Variants in ELOVL5 observed in about 807,000 individuals in gnomAD.
ELOVL5 encodes the protein ELOVL fatty acid elongase 5, also known as very long chain fatty acid elongase 5.
A neutral mutation model predicts 38.6 loss-of-function variants in ELOVL5; 8 were observed. That is an observed-to-expected ratio of 0.21 (90% CI 0.12 to 0.37). ELOVL5 has a LOEUF of 0.37. ELOVL5 is among the 10% of genes least tolerant of loss of function. ELOVL5 has a pLI of 1.00. For missense variants in ELOVL5, 280 were observed against 367.8 expected (o/e 0.76, Z 1.95); for synonymous variants, 127 against 133.7 (o/e 0.95, Z 0.34).
At chr6:53,343,235 CAG>C (rs979434765) in intron 1 of ELOVL5, among the ~76,000 whole-genome samples, 3 of 146,892 alleles carry the variant, frequency 2.0e-5, no homozygotes, top group Admixed American at 1.3e-4. Context: ...TATTTTGGGA[CAG>C]AGTCTGGCTC....
chr6:53,316,999 A>G (rs1306444260), intron 1 of ELOVL5, among the ~76,000 whole-genome samples: 1 of 152,194 alleles, frequency 6.6e-6, no homozygotes, highest in Non-Finnish European at 1.5e-5. Context: ...ACAGGGAAAA[A>G]TAAGAAAGAT....
At chr6:53,314,837 T>C (rs1233639047) in intron 1 of ELOVL5, among the ~76,000 whole-genome samples, 2 of 152,216 alleles carry the variant, frequency 1.3e-5, no homozygotes, top group African/African-American at 2.4e-5. Context: ...TAGTACATAA[T>C]ATCCTACTTT....
chr6:53,315,765 T>C (rs1768008645), intron 1 of ELOVL5, among the ~76,000 whole-genome samples: 1 of 152,126 alleles, frequency 6.6e-6, no homozygotes, highest in Non-Finnish European at 1.5e-5. Context: ...ATCCCAGTAG[T>C]CCCCAAGTTA....
At chr6:53,326,802 G>C (rs115703003) in intron 1 of ELOVL5, among the ~76,000 whole-genome samples, 3 of 152,218 alleles carry the variant, frequency 2.0e-5, no homozygotes, top group African/African-American at 4.8e-5. Context: ...CAGCCATACC[G>C]GCCTTCACGA....
At chr6:53,328,956 A>G (rs769639044) in intron 1 of ELOVL5, among the ~76,000 whole-genome samples, 3 of 152,224 alleles carry the variant, frequency 2.0e-5, no homozygotes, top group Admixed American at 6.5e-5. Context: ...CCTGTCTACA[A>G]AAAGTACCTT....
chr6:53,305,373 G>A (rs1767466879), intron 1 of ELOVL5, among the ~76,000 whole-genome samples: 1 of 104,694 alleles, frequency 9.6e-6, no homozygotes, highest in Non-Finnish European at 1.8e-5. Flanking sequence ...TGGCCTGGCG[G>A]GGGCTGACCC....
chr6:53,269,302 T>A lies in ELOVL5; in HGVS notation c.757-32A>T, dbSNP rs778806143. On this transcript the variant is annotated intron_variant, in intron 7 of 7. Coordinates refer to ENST00000304434, the MANE Select transcript of ELOVL5 (RefSeq NM_021814.5). ...TGTGTAAGGGCAGATGAGAACCAAA[T>A]GACCACAGTTTTCTTTATAGGGAAC... 1.5e-5 allele frequency: 21 copies of A among 1,425,848 alleles called. No individual in the cohort carries two copies. In the African/African-American group the frequency reaches 5.3e-4, roughly 36 times the overall value. The allele number at this position is 1,425,848 out of a possible 1,614,324, so 88.3% of individuals were successfully genotyped here. A position where few individuals can be genotyped will look rare whatever the true frequency, so the allele number is the denominator to read the frequency against.
intron 1 of ELOVL5, among the ~76,000 whole-genome samples, chr6:53,328,275 G>A (rs1445174098): frequency 6.6e-6 from 1 of 152,050 alleles, no homozygotes; most frequent in Non-Finnish European, 1.5e-5. Context: ...ACTAGTAGTA[G>A]TTAGTGACTA....
intron 4 of ELOVL5, among the ~76,000 whole-genome samples, chr6:53,275,935 T>C (rs530795337): frequency 4.1e-4 from 63 of 152,360 alleles, no homozygotes; most frequent in African/African-American, 1.4e-3. Flanking sequence ...ACTGACTGCA[T>C]GTGATTTTTC....
intron 2 of ELOVL5, among the ~76,000 whole-genome samples, 156 bp from the exon 3 acceptor site, chr6:53,292,119 C>T (rs375362461): frequency 2.3e-4 from 35 of 152,206 alleles, no homozygotes; most frequent in African/African-American, 7.9e-4. Flanking sequence ...ATTTTCAATA[C>T]ATATCAAACA....
chr6:53,298,577 A>G (rs1258439847), intron 1 of ELOVL5, among the ~76,000 whole-genome samples: 1 of 152,180 alleles, frequency 6.6e-6, no homozygotes, highest in African/African-American at 2.4e-5. Flanking sequence ...AAGATTAAAT[A>G]AGGTAATATA....
chr6:53,328,270 T>C (rs959815013), intron 1 of ELOVL5, among the ~76,000 whole-genome samples: 2 of 152,142 alleles, frequency 1.3e-5, no homozygotes, highest in Admixed American at 6.5e-5. Context: ...CAAAAACTAG[T>C]AGTAGTTAGT....
chr6:53,312,228 T>C (rs1283345205), intron 1 of ELOVL5, among the ~76,000 whole-genome samples: 1 of 152,220 alleles, frequency 6.6e-6, no homozygotes, highest in Non-Finnish European at 1.5e-5. Context: ...AAACTTTATG[T>C]TCATATAAAA....
At chr6:53,328,422 G>T (rs1338745521) in intron 1 of ELOVL5, among the ~76,000 whole-genome samples, 2 of 152,186 alleles carry the variant, frequency 1.3e-5, no homozygotes, top group Non-Finnish European at 2.9e-5. Flanking sequence ...ATTCCTTAGA[G>T]TAAAATCAAG....
At chr6:53,337,983 T>C (rs1173157625) in intron 1 of ELOVL5, among the ~76,000 whole-genome samples, 1 of 152,184 alleles carries the variant, frequency 6.6e-6, no homozygotes, top group African/African-American at 2.4e-5. Context: ...CGGAGGATGG[T>C]GCTCCTGACT....
rs573420627 is a variant in ELOVL5 at position 53,318,816 on chromosome 6, CT to C, written c.-8-23110del. The stretch of plus-strand genomic sequence containing the variant: ...TTTCAACACTAAAGCAGTCATTTTC[CT>C]TTTTTTCAACTTTAATAGTATATTT... On this transcript the variant is annotated intron_variant, in intron 1 of 7. Transcript: ENST00000304434. Among the ~76,000 whole-genome samples the C allele has an allele frequency of 1.7e-3, 260 of 152,180 alleles. 2 individuals are homozygous for C. The highest frequency in any genetic ancestry group is 6.0e-3 in the African/African-American group (247 of 41,502).
chr6:53,270,791 A>AT lies in ELOVL5; in HGVS notation c.622-65_622-64insA. Reference sequence around the variant, plus strand: ...GCATGGACGAGGCCCCACACCAGGCAGACTTTTTAACCAGCATCACCTAAA... The same window carrying AT: ...GCATGGACGAGGCCCCACACCAGGCATGACTTTTTAACCAGCATCACCTAAA... On this transcript the variant is annotated intron_variant, in intron 6 of 7. Transcript: ENST00000304434. 3 of 1,586,612 alleles carry AT rather than the reference A, an allele frequency of 1.9e-6. No individual in the cohort carries two copies. In the East Asian group the frequency reaches 6.7e-5, roughly 36 times the overall value.
intron 1 of ELOVL5, among the ~76,000 whole-genome samples, chr6:53,319,664 T>G (rs2127586616): frequency 6.6e-6 from 1 of 152,328 alleles, no homozygotes; most frequent in Non-Finnish European, 1.5e-5. Context: ...CCAAATTCCT[T>G]TCTTCCATCC....
Position 53,295,709 on chromosome 6 carries a change from TA to T in ELOVL5, c.-8-3del. The T allele has an allele frequency of 6.4e-7, 1 of 1,561,460 alleles. No individual in the cohort carries two copies. Among genetic ancestry groups the T allele is most frequent in the African/African-American group, 1.4e-5 (1 of 72,320 alleles). On this transcript the variant is annotated splice_polypyrimidine_tract_variant and splice_region_variant and intron_variant, in intron 1 of 7. Transcript: ENST00000304434. ...CATCAAAATGTTCCATTTGAAAACCTATTAAGAAAAAAAAAGATACTGATTA... is the reference window on the plus strand; with the variant it reads ...CATCAAAATGTTCCATTTGAAAACCTTTAAGAAAAAAAAAGATACTGATTA...
Sources: allele counts gnomAD v4.1 joint callset (sites outside exome capture counted in the v4.1 genomes callset), GRCh38; gene constraint gnomAD v4.1.1; transcripts MANE v1.5; gene names NCBI Gene and HGNC (gene_info 2026-07-23, HGNC 2026-07-21).